The following OSBPL1A variants were observed in gnomAD, a reference collection of about 807,000 sequenced individuals.
OSBPL1A encodes oxysterol binding protein like 1A, also known as oxysterol-binding protein-related protein 1.
OSBPL1A carries 80 observed loss-of-function variants against 137.1 expected under a neutral mutation model. The ratio of observed to expected loss-of-function variants is 0.58; its 90% CI spans 0.49 to 0.70. The LOEUF (loss-of-function observed/expected upper bound fraction) is 0.70. Ranked by LOEUF, OSBPL1A falls within the 30% of genes least tolerant of loss-of-function variation. The probability of loss-of-function intolerance (pLI) is 0.00; values close to 1 mark genes in which losing one functional copy is unlikely to be tolerated. For synonymous variants in OSBPL1A, 365 were observed against 389.7 expected, an observed-to-expected ratio of 0.94 and a Z score of 0.75; for missense variants, 970 against 1,129.4, an observed-to-expected ratio of 0.86 and a Z score of 2.02.
chr18:24,185,321 CTTTT>C (rs869113904), intron 18 of OSBPL1A, among the ~76,000 whole-genome samples: 3 of 147,296 alleles, frequency 2.0e-5, no homozygotes, highest in African/African-American at 7.7e-5. Flanking sequence ...TTCACCAATT[CTTTT>C]TTCTTTTTTT....
At chr18:24,193,285 G>A (rs12458495) in intron 18 of OSBPL1A, among the ~76,000 whole-genome samples, 7,330 of 152,074 alleles carry the variant, frequency 0.048, 509 homozygotes, top group East Asian at 0.36. Context: ...TCATGAGTTC[G>A]AGACCAGTCT....
chr18:24,358,661 G>A (rs761552005), intron 4 of OSBPL1A: 43 of 632,996 alleles, frequency 6.8e-5, no homozygotes, highest in Non-Finnish European at 1.1e-4. Flanking sequence ...CTAAAGCCCA[G>A]GATTATACAT....
At chr18:24,283,281 AATATATAT>A (rs869287828) in intron 14 of OSBPL1A, among the ~76,000 whole-genome samples, 1 of 78,376 alleles carries the variant, frequency 1.3e-5, no homozygotes, top group Non-Finnish European at 2.3e-5. Flanking sequence ...AAAAAAAAAA[AATATATAT>A]ATATATATAT....
chr18:24,331,676 A>G (rs960884698), intron 7 of OSBPL1A, among the ~76,000 whole-genome samples: 16 of 150,654 alleles, frequency 1.1e-4, no homozygotes, highest in African/African-American at 2.7e-4. Context: ...GATTACAGGC[A>G]TGAGCCACCG....
At chr18:24,328,513 A>C (rs1345433837) in intron 7 of OSBPL1A, among the ~76,000 whole-genome samples, 2 of 152,146 alleles carry the variant, frequency 1.3e-5, no homozygotes, top group African/African-American at 4.8e-5. Context: ...TATCTGTCTT[A>C]GGGACACAGG....
At chr18:24,292,564 C>T (rs2090194827) in intron 14 of OSBPL1A, among the ~76,000 whole-genome samples, 1 of 151,952 alleles carries the variant, frequency 6.6e-6, no homozygotes, top group Non-Finnish European at 1.5e-5. Context: ...AGAGAGAGAC[C>T]CCCATCACAT....
chr18:24,314,927 T>G (rs1396190606), intron 11 of OSBPL1A, among the ~76,000 whole-genome samples: 1 of 152,172 alleles, frequency 6.6e-6, no homozygotes, highest in Non-Finnish European at 1.5e-5. Flanking sequence ...TCCCACAAGC[T>G]TAGCGTTCCA....
chr18:24,240,678 G>A (rs1475436144), intron 15 of OSBPL1A, among the ~76,000 whole-genome samples: 1 of 152,166 alleles, frequency 6.6e-6, no homozygotes, highest in Non-Finnish European at 1.5e-5. Flanking sequence ...AATCTAATCA[G>A]AAGTCTTCAA....
At chr18:24,206,092 T>C (rs2087366830) in intron 17 of OSBPL1A, among the ~76,000 whole-genome samples, 1 of 152,222 alleles carries the variant, frequency 6.6e-6, no homozygotes, top group African/African-American at 2.4e-5. Flanking sequence ...GGTTGCACCA[T>C]GTTGGCCAGG....
chr18:24,242,426 TGG>T (rs751137553), intron 15 of OSBPL1A, among the ~76,000 whole-genome samples: 1 of 152,022 alleles, frequency 6.6e-6, no homozygotes, highest in Non-Finnish European at 1.5e-5. Flanking sequence ...CTTGAGGTTT[TGG>T]GAACTGTGGC....
intron 21 of OSBPL1A, among the ~76,000 whole-genome samples, chr18:24,173,302 C>A (rs915261585): frequency 2.0e-5 from 3 of 152,042 alleles, no homozygotes; most frequent in African/African-American, 7.2e-5. Flanking sequence ...TTGGGTACTA[C>A]GCTTAGTACC....
At chr18:24,381,087 C>A (rs1906558089) in intron 1 of OSBPL1A, among the ~76,000 whole-genome samples, 1 of 152,084 alleles carries the variant, frequency 6.6e-6, no homozygotes, top group African/African-American at 2.4e-5. Context: ...AAAGGAAAGA[C>A]TTTATTCAGG....
intron 16 of OSBPL1A, among the ~76,000 whole-genome samples, chr18:24,236,183 G>A (rs983383697): frequency 6.6e-6 from 1 of 152,168 alleles, no homozygotes; most frequent in African/African-American, 2.4e-5. Flanking sequence ...TATTGCAGTA[G>A]CAATAGCAGA....
intron 4 of OSBPL1A, among the ~76,000 whole-genome samples, chr18:24,360,699 T>C (rs1383537362): frequency 1.3e-5 from 2 of 152,162 alleles, no homozygotes; most frequent in East Asian, 1.9e-4. Context: ...AGTTCACATG[T>C]CCTTGTGTCT....
chr18:24,384,322 C>T (rs1906794791), intron 1 of OSBPL1A, among the ~76,000 whole-genome samples: 1 of 152,170 alleles, frequency 6.6e-6, no homozygotes, highest in Admixed American at 6.5e-5. Flanking sequence ...ACCTGTAATC[C>T]CGGCACTTTG....
intron 16 of OSBPL1A, 128 bp downstream of exon 16, chr18:24,239,092 G>A (rs530764071): frequency 1.2e-4 from 133 of 1,090,362 alleles, no homozygotes; most frequent in African/African-American, 6.6e-4. Context: ...CCAATACATC[G>A]CTATCTGTTT....
intron 1 of OSBPL1A, among the ~76,000 whole-genome samples, chr18:24,384,917 C>T (rs115453652): frequency 0.051 from 7,650 of 148,682 alleles, 649 homozygotes; most frequent in African/African-American, 0.18. Context: ...AGTAGTTAAT[C>T]AATAACAGTT....
At position 24,347,841 on chromosome 18, in the gene OSBPL1A, G is replaced by GAAAAAAAAAAAAA. The variant is rs34599277; in HGVS notation, c.283-6196_283-6184dup. ...TGGCCAACAGAGCGACACTCCATCT[G>GAAAAAAAAAAAAA]AAAAAAAAAAAAAAAAAAAAAAGAA... On this transcript the variant is annotated intron_variant, in intron 4 of 27. Coordinates refer to ENST00000319481, the MANE Select transcript of OSBPL1A (RefSeq NM_080597.4). 3.6e-5 allele frequency: 2 copies of GAAAAAAAAAAAAA among 55,744 alleles called. 1 individual carries two copies. The highest frequency in any genetic ancestry group is 6.4e-5 in the Non-Finnish European group (2 of 31,222). 3.5% of individuals were successfully genotyped at this position (55,744 alleles called of 1,614,324 possible).
At chr18:24,192,103 T>A (rs2086903878) in intron 18 of OSBPL1A, among the ~76,000 whole-genome samples, 1 of 152,178 alleles carries the variant, frequency 6.6e-6, no homozygotes, top group Non-Finnish European at 1.5e-5. Context: ...ACTATTCTAT[T>A]ACTCCAAGAC....
Sources: gnomAD v4.1 joint callset for allele counts (sites outside exome capture counted in the v4.1 genomes callset) on GRCh38, gnomAD v4.1.1 for gene constraint, MANE v1.5 for transcripts, NCBI Gene and HGNC (gene_info 2026-07-23, HGNC 2026-07-21) for gene names.